NRG1: variants seen among roughly 807,000 people sequenced by gnomAD.
NRG1 encodes the protein neuregulin 1.
Under a neutral mutation model 63.8 loss-of-function variants are expected in NRG1, and 18 were observed. That is an observed-to-expected ratio of 0.28 (90% CI 0.19 to 0.42). The LOEUF is 0.42. Among genes scored for constraint, NRG1 ranks in the 10% least tolerant of loss-of-function variants. NRG1 has a pLI of 1.00. For missense variants in NRG1, 762 were observed against 814.7 expected, an observed-to-expected ratio of 0.94 and a Z score of 0.79; for synonymous variants, 302 against 301.3, an observed-to-expected ratio of 1.00 and a Z score of -0.02.
chr8:32,229,425 G>A (rs1258675482), intron 1 of NRG1, among the ~76,000 whole-genome samples: 14 of 152,098 alleles, frequency 9.2e-5, no homozygotes, highest in Admixed American at 8.5e-4. Flanking sequence ...ATCACTAGGG[G>A]GCCGGAGTAG....
intron 1 of NRG1, among the ~76,000 whole-genome samples, chr8:32,511,792 T>A (rs1335795691): frequency 6.6e-6 from 1 of 152,070 alleles, no homozygotes; most frequent in Non-Finnish European, 1.5e-5. Context: ...TAAAGGAAAT[T>A]TCTGAGCATG....
intron 1 of NRG1, among the ~76,000 whole-genome samples, chr8:32,308,520 A>G: frequency 6.6e-6 from 1 of 152,156 alleles, no homozygotes; most frequent in East Asian, 1.9e-4. Context: ...ACAACCTATT[A>G]TTTCCACAAT....
At chr8:31,661,284 AC>A (rs1327301192) in intron 1 of NRG1, among the ~76,000 whole-genome samples, 1 of 152,196 alleles carries the variant, frequency 6.6e-6, no homozygotes, top group Non-Finnish European at 1.5e-5. Context: ...CAGAGGTCTG[AC>A]CGCCTTTTAT....
At chr8:31,922,209 A>G (rs930707601) in intron 1 of NRG1, among the ~76,000 whole-genome samples, 38 of 152,280 alleles carry the variant, frequency 2.5e-4, no homozygotes, top group African/African-American at 8.9e-4. Context: ...TTGTTATCGC[A>G]TTAGTTGTTT....
intron 1 of NRG1, among the ~76,000 whole-genome samples, chr8:32,219,389 A>G (rs1845577020): frequency 6.6e-6 from 1 of 152,212 alleles, no homozygotes; most frequent in Admixed American, 6.5e-5. Context: ...GCTGCTCATT[A>G]ACAAAGCCGT....
intron 2 of NRG1, among the ~76,000 whole-genome samples, chr8:32,601,147 C>T (rs1844283289): frequency 6.6e-6 from 1 of 152,112 alleles, no homozygotes; most frequent in Non-Finnish European, 1.5e-5. Flanking sequence ...GATGTTTATG[C>T]TCCTTGAGGT....
chr8:32,185,856 A>G (rs1841913068), intron 1 of NRG1, among the ~76,000 whole-genome samples: 1 of 152,206 alleles, frequency 6.6e-6, no homozygotes, highest in Admixed American at 6.5e-5. Context: ...TTCTTCATTA[A>G]TTTATTATAA....
chr8:31,865,332 T>C (rs1828856106), intron 1 of NRG1, among the ~76,000 whole-genome samples: 1 of 152,064 alleles, frequency 6.6e-6, no homozygotes, highest in South Asian at 2.1e-4. Flanking sequence ...TTCCAGCTCA[T>C]TGAGAGTGAA....
At chr8:31,941,358 C>G (rs1209145890) in intron 1 of NRG1, among the ~76,000 whole-genome samples, 2 of 152,012 alleles carry the variant, frequency 1.3e-5, no homozygotes, top group Non-Finnish European at 2.9e-5. Flanking sequence ...CCCTTTGTGA[C>G]TAAAAACCTC....
intron 1 of NRG1, among the ~76,000 whole-genome samples, chr8:31,874,032 T>G (rs934626998): frequency 1.3e-5 from 2 of 152,350 alleles, no homozygotes; most frequent in Admixed American, 1.3e-4. Context: ...AAGGCTATTT[T>G]CATTGCATCA....
chr8:32,015,930 A>C (rs1309478838), intron 1 of NRG1, among the ~76,000 whole-genome samples: 1 of 152,020 alleles, frequency 6.6e-6, no homozygotes, highest in African/African-American at 2.4e-5. Context: ...TTTCAAATAC[A>C]ATATAAGAAT....
chr8:32,726,700 C>T (rs1822283002), intron 5 of NRG1, among the ~76,000 whole-genome samples: 1 of 151,632 alleles, frequency 6.6e-6, no homozygotes, highest in Admixed American at 6.6e-5. Context: ...TGTGTCACAA[C>T]AAAATGTAGA....
chr8:31,804,449 G>T (rs543972342), intron 1 of NRG1, among the ~76,000 whole-genome samples: 2 of 152,164 alleles, frequency 1.3e-5, no homozygotes, highest in South Asian at 2.1e-4. Flanking sequence ...TCTCTGATTG[G>T]GCCTAATATA....
intron 1 of NRG1, among the ~76,000 whole-genome samples, chr8:32,224,242 G>A (rs1265899211): frequency 1.3e-5 from 2 of 152,052 alleles, no homozygotes; most frequent in African/African-American, 4.8e-5. Flanking sequence ...ACAACCAAGC[G>A]GCTGAATGAG....
chr8:32,177,726 C>A lies in NRG1; in HGVS notation c.38-418102C>A, dbSNP rs144323561. Among the ~76,000 whole-genome samples, 492 of 151,986 alleles carry A rather than the reference C, an allele frequency of 3.2e-3. 2 individuals carry two copies. Among genetic ancestry groups the A allele is most frequent in the Non-Finnish European group, 4.9e-3 (331 of 67,982 alleles). On this transcript the variant is annotated intron_variant, in intron 1 of 10. Coordinates refer to the NRG1 transcript ENST00000519301. ...AACAAGGCTTTAGACCTAAATCCATCAAAATAAACCACTTTGCATGAAAAA... is the reference window on the plus strand; with the variant it reads ...AACAAGGCTTTAGACCTAAATCCATAAAAATAAACCACTTTGCATGAAAAA...
At chr8:31,774,250 C>T (rs1818903720) in intron 1 of NRG1, among the ~76,000 whole-genome samples, 1 of 152,118 alleles carries the variant, frequency 6.6e-6, no homozygotes, top group South Asian at 2.1e-4. Context: ...TTTTGCCTGA[C>T]TCCCCTACTT....
At chr8:32,524,008 C>T (rs549554233) in intron 1 of NRG1, among the ~76,000 whole-genome samples, 7 of 150,828 alleles carry the variant, frequency 4.6e-5, no homozygotes, top group African/African-American at 9.7e-5. Context: ...TTTCTTGGGC[C>T]GGCCATGGTG....
intron 1 of NRG1, among the ~76,000 whole-genome samples, chr8:32,485,601 G>A (rs966606019): frequency 6.6e-6 from 1 of 152,246 alleles, no homozygotes; most frequent in Non-Finnish European, 1.5e-5. Flanking sequence ...AAGGAAGGAA[G>A]TAGGTGGGAG....
At chr8:31,773,234 C>T (rs185506008) in intron 1 of NRG1, among the ~76,000 whole-genome samples, 218 of 152,314 alleles carry the variant, frequency 1.4e-3, no homozygotes, top group African/African-American at 5.0e-3. Flanking sequence ...TGGCTCAGTG[C>T]TCACTGTCAT....
Sources: gnomAD v4.1 joint callset for allele counts (sites outside exome capture counted in the v4.1 genomes callset) on GRCh38, gnomAD v4.1.1 for gene constraint, MANE v1.5 for transcripts, NCBI Gene and HGNC (gene_info 2026-07-23, HGNC 2026-07-21) for gene names.